Variants in FAM240A observed in about 807,000 individuals in gnomAD.
FAM240A encodes the protein protein FAM240A.
FAM240A carries 8 observed loss-of-function variants against 7.3 expected under a neutral mutation model. That is an observed-to-expected ratio of 1.09 (90% CI 0.64 to 1.97). The LOEUF (loss-of-function observed/expected upper bound fraction) is 1.97, where lower values mean the gene tolerates loss of function less well. Among genes scored for constraint, FAM240A ranks in the 30% most tolerant of loss-of-function variants. FAM240A has a pLI of 0.00. For synonymous variants in FAM240A, 32 were observed against 35.9 expected (o/e 0.89, Z 0.38); for missense variants, 90 against 102.2 (o/e 0.88, Z 0.52).
intron 2 of FAM240A, 21 bp downstream of exon 2, chr3:46,617,349 C>A: frequency 6.7e-7 from 1 of 1,496,958 alleles, no homozygotes; most frequent in Non-Finnish European, 8.8e-7. Context: ...TGTTTGTCTA[C>A]TTTTTAGAAT....
At chr3:46,624,185 G>T (rs919455247) in intron 2 of FAM240A, among the ~76,000 whole-genome samples, 1 of 148,918 alleles carries the variant, frequency 6.7e-6, no homozygotes, top group Non-Finnish European at 1.5e-5. Context: ...TTATGCTATT[G>T]TACAAAGTAC....
At chr3:46,616,305 T>A (rs1697628405) in intron 1 of FAM240A, among the ~76,000 whole-genome samples, 1 of 152,124 alleles carries the variant, frequency 6.6e-6, no homozygotes, top group Non-Finnish European at 1.5e-5. Context: ...CCCTGCAGAG[T>A]CTCAGGGATC....
intron 1 of FAM240A, among the ~76,000 whole-genome samples, chr3:46,616,631 C>T (rs911968095): frequency 2.6e-5 from 4 of 151,586 alleles, no homozygotes; most frequent in African/African-American, 9.7e-5. Flanking sequence ...CTTCCAGTTC[C>T]ATCCGAGTTG....
intron 1 of FAM240A, among the ~76,000 whole-genome samples, chr3:46,613,709 G>A (rs186310194): frequency 5.0e-4 from 76 of 152,074 alleles, no homozygotes; most frequent in Non-Finnish European, 2.5e-4. Context: ...GCTCCTGCCC[G>A]CTCATCCTGC....
At chr3:46,615,850 GCA>G (rs111864834) in intron 1 of FAM240A, among the ~76,000 whole-genome samples, 28 of 150,064 alleles carry the variant, frequency 1.9e-4, no homozygotes, top group Non-Finnish European at 3.7e-4. Flanking sequence ...ATGTGTGCAC[GCA>G]CACACACACA....
chr3:46,621,819 C>T (rs1012049745), intron 2 of FAM240A, among the ~76,000 whole-genome samples: 2 of 151,534 alleles, frequency 1.3e-5, no homozygotes, highest in Non-Finnish European at 2.9e-5. Flanking sequence ...TTTTCTAATC[C>T]GACATATTTT....
intron 2 of FAM240A, 59 bp from the exon 3 acceptor site, chr3:46,625,069 C>T: frequency 1.5e-6 from 2 of 1,317,534 alleles, no homozygotes; most frequent in South Asian, 2.5e-5. Flanking sequence ...AGAAAGCTCT[C>T]CTGAACCAAG....
At chr3:46,624,461 A>G (rs111636876) in intron 2 of FAM240A, among the ~76,000 whole-genome samples, 16,876 of 151,760 alleles carry the variant, frequency 0.11, 1,155 homozygotes, top group East Asian at 0.33. Context: ...TAGTAGAGAC[A>G]GGGTTTCACC....
In FAM240A at chr3:46,625,419, G is replaced by A. The variant is rs987396484; in HGVS notation, c.*201G>A. The A allele has an allele frequency of 5.6e-6, 2 of 357,366 alleles. No homozygotes were observed. The highest frequency in any genetic ancestry group is 1.0e-5 in the Non-Finnish European group (2 of 197,298). The allele number at this position is 357,366 out of a possible 1,614,324, so 22.1% of individuals were successfully genotyped here. A position where few individuals can be genotyped will look rare whatever the true frequency, so the allele number is the denominator to read the frequency against. On this transcript the variant is annotated 3_prime_UTR_variant, in exon 3 of 3. Coordinates refer to ENST00000640551, the MANE Select transcript of FAM240A (RefSeq NM_001195442.2). ...CCAAGTCAGTCCTCTGTGCATGGGC[G>A]CCAGGTTATTATCCCAAATGTCTCT...
In FAM240A at chr3:46,612,655, C is replaced by A; in HGVS notation, c.-29C>A. ...GCGGTCAAGTGCGACACATTTGGTT[C>A]GACTGAATCGATGTCTTCACATCCC... is the stretch of plus-strand genomic sequence containing the variant. On this transcript the variant is annotated 5_prime_UTR_variant, in exon 1 of 3. Coordinates refer to ENST00000640551, the MANE Select transcript of FAM240A (RefSeq NM_001195442.2). The A allele has an allele frequency of 6.5e-7, 1 of 1,533,714 alleles. No individual in the cohort carries two copies. Among genetic ancestry groups the A allele is most frequent in the Non-Finnish European group, 8.7e-7 (1 of 1,144,700 alleles).
At position 46,622,106 on chromosome 3, in the gene FAM240A, CT is replaced by C. The variant is rs1171256555; in HGVS notation, c.162-2998del. Among the ~76,000 whole-genome samples the C allele has an allele frequency of 5.2e-3, 414 of 79,672 alleles. 6 individuals are homozygous for C. Among genetic ancestry groups the C allele is most frequent in the East Asian group, 0.046 (152 of 3,288 alleles). 52.3% of individuals were successfully genotyped at this position (79,672 alleles called of 152,430 possible). ...CAAGTCTAATTTACGAGAAAATTTT[CT>C]TTTTTTTTTTTTTTTTTTTTTTTGA... On this transcript the variant is annotated intron_variant, in intron 2 of 2. Transcript: ENST00000640551.
rs560216655 is a variant in FAM240A at position 46,623,056 on chromosome 3, A to G, written c.162-2072A>G. ...TTAATATCTCTCAGCAATGGTTTGC[A>G]GTTTTCAGCACATAAGTCATATATA... On this transcript the variant is annotated intron_variant, in intron 2 of 2. Coordinates refer to ENST00000640551, the MANE Select transcript of FAM240A (RefSeq NM_001195442.2). 2.6e-5 allele frequency among the ~76,000 whole-genome samples: 4 copies of G among 152,304 alleles called. No homozygotes were observed. In the South Asian group the frequency reaches 8.3e-4, roughly 32 times the overall value.
At chr3:46,624,866 T>G (rs979053761) in intron 2 of FAM240A, among the ~76,000 whole-genome samples, 6 of 151,952 alleles carry the variant, frequency 3.9e-5, no homozygotes, top group Non-Finnish European at 5.9e-5. Context: ...TGCAAATATA[T>G]TTTCAAAGGA....
intron 1 of FAM240A, 88 bp downstream of exon 1, chr3:46,612,786 C>T (rs1697581342): frequency 9.7e-7 from 1 of 1,033,796 alleles, no homozygotes. Context: ...TGCTGATTCA[C>T]TGGACGCAGC....
intron 2 of FAM240A, among the ~76,000 whole-genome samples, chr3:46,620,733 A>G (rs746762508): frequency 3.3e-5 from 5 of 152,356 alleles, no homozygotes; most frequent in Non-Finnish European, 7.4e-5. Flanking sequence ...TAAAAGATAT[A>G]GCAACAAATA....
At chr3:46,615,319 C>T (rs1483305344) in intron 1 of FAM240A, among the ~76,000 whole-genome samples, 1 of 151,274 alleles carries the variant, frequency 6.6e-6, no homozygotes, top group Non-Finnish European at 1.5e-5. Flanking sequence ...CAGCCTGAGC[C>T]CACTCCCCAT....
At chr3:46,616,858 C>T (rs1269327854) in intron 1 of FAM240A, among the ~76,000 whole-genome samples, 1 of 152,108 alleles carries the variant, frequency 6.6e-6, no homozygotes, top group Non-Finnish European at 1.5e-5. Flanking sequence ...ACTTCTTTTC[C>T]TTTGGGTAGG....
intron 2 of FAM240A, among the ~76,000 whole-genome samples, chr3:46,623,967 GT>G (rs1222733456): frequency 6.6e-6 from 1 of 151,868 alleles, no homozygotes; most frequent in African/African-American, 2.4e-5. Context: ...TTTATGCCTT[GT>G]TTTGGATCAA....
chr3:46,622,139 G>T (rs1697705246), intron 2 of FAM240A, among the ~76,000 whole-genome samples: 4 of 122,076 alleles, frequency 3.3e-5, no homozygotes, highest in Admixed American at 9.7e-5. Flanking sequence ...TTGAGACAGA[G>T]TCTCACTCTG....
Sources: gnomAD v4.1 joint callset for allele counts (sites outside exome capture counted in the v4.1 genomes callset) on GRCh38, gnomAD v4.1.1 for gene constraint, MANE v1.5 for transcripts, NCBI Gene and HGNC (gene_info 2026-07-23, HGNC 2026-07-21) for gene names.